The following DOCK7 variants were observed in gnomAD, a reference collection of about 807,000 sequenced individuals.
DOCK7 encodes dedicator of cytokinesis protein 7.
In DOCK7, 138 loss-of-function variants were observed where a neutral mutation model predicts 271.0. That is an observed-to-expected ratio of 0.51 (90% CI 0.44 to 0.59). The LOEUF (loss-of-function observed/expected upper bound fraction) is 0.59, where lower values mean the gene tolerates loss of function less well. Among genes scored for constraint, DOCK7 ranks in the 20% least tolerant of loss-of-function variants. DOCK7 has a pLI of 0.00. For missense variants in DOCK7, 2,066 were observed against 2,592.4 expected (o/e 0.80, Z 4.41); for synonymous variants, 823 against 876.1 (o/e 0.94, Z 1.07).
chr1:62,631,369 C>A lies in DOCK7; in HGVS notation c.1153G>T (p.Asp385Tyr). The A allele has an allele frequency of 6.2e-7, 1 of 1,607,916 alleles. No individual in the cohort carries two copies. The highest frequency in any genetic ancestry group is 2.2e-5 in the East Asian group (1 of 44,798). Residue 385 changes from aspartate (D) to tyrosine (Y), a missense_variant, in exon 11 of 50, where the codon GAT becomes TAT. Asp to Tyr is a radical substitution (Grantham distance 160). Transcript: ENST00000635253. ...EKLEKLKSQA[D>Y]QFCQRLGKYR... is the part of the protein sequence containing the mutation. ...TTCCCAAGTCTTTGGCAAAACTGATCTGCTTGACTCTTCAGTTTCTCCAGT... is the reference window on the plus strand; with the variant it reads ...TTCCCAAGTCTTTGGCAAAACTGATATGCTTGACTCTTCAGTTTCTCCAGT...
intron 24 of DOCK7, chr1:62,543,363 G>A (rs1645597398): frequency 1.8e-5 from 4 of 222,488 alleles, no homozygotes; most frequent in Admixed American, 1.1e-4. Flanking sequence ...TACAGAAACA[G>A]AATTAAGAGT....
chr1:62,602,243 A>G (rs1365007903), intron 14 of DOCK7: 5 of 1,484,132 alleles, frequency 3.4e-6, no homozygotes, highest in Non-Finnish European at 4.7e-6. Context: ...ATCTGTCAAC[A>G]TAAATCTACT....
intron 14 of DOCK7, among the ~76,000 whole-genome samples, chr1:62,614,656 T>C (rs535818437): frequency 1.3e-5 from 2 of 152,136 alleles, no homozygotes; most frequent in South Asian, 4.1e-4. Flanking sequence ...ATTTAATATG[T>C]ACTGCATTAC....
chr1:62,533,118 T>C lies in DOCK7; in HGVS notation c.3611+2375A>G, dbSNP rs1645230228. 2.6e-5 allele frequency among the ~76,000 whole-genome samples: 4 copies of C among 152,244 alleles called. No homozygotes were observed. In the South Asian group the frequency reaches 8.3e-4, roughly 32 times the overall value. ...GTTCGGAGCCCCCCCTCCCTCTATA[T>C]CAGGCAGCCGTTTTCTTATTTCTTT... is the stretch of plus-strand genomic sequence containing the variant. On this transcript the variant is annotated intron_variant, in intron 29 of 49. Coordinates refer to ENST00000635253, the MANE Select transcript of DOCK7 (RefSeq NM_001367561.1).
At chr1:62,544,894 T>A in intron 23 of DOCK7, 53 bp downstream of exon 23, 1 of 1,379,104 alleles carries the variant, frequency 7.3e-7, no homozygotes, top group Non-Finnish European at 1.0e-6. Flanking sequence ...AAAAGTAATG[T>A]TCTAAAGGGA....
intron 1 of DOCK7, among the ~76,000 whole-genome samples, chr1:62,678,847 T>C (rs991496482): frequency 6.6e-6 from 1 of 152,096 alleles, no homozygotes; most frequent in African/African-American, 2.4e-5. Flanking sequence ...AATAAGGATA[T>C]ATCATCTACA....
At chr1:62,662,647 G>A (rs1321588555) in intron 2 of DOCK7, among the ~76,000 whole-genome samples, 1 of 152,098 alleles carries the variant, frequency 6.6e-6, no homozygotes, top group Non-Finnish European at 1.5e-5. Flanking sequence ...TGTAGTCCCA[G>A]CTACTCAGGA....
At chr1:62,603,485 C>T (rs1650464651) in intron 14 of DOCK7, among the ~76,000 whole-genome samples, 1 of 151,390 alleles carries the variant, frequency 6.6e-6, no homozygotes, top group South Asian at 2.1e-4. Context: ...CTGTCTTTTT[C>T]TACAAAGAAA....
chr1:62,552,709 A>C (rs1185189092), intron 22 of DOCK7, 23 bp downstream of exon 22: 1 of 1,563,438 alleles, frequency 6.4e-7, no homozygotes, highest in African/African-American at 1.4e-5. Context: ...AACCAAATTT[A>C]CAGATGCATG....
intron 48 of DOCK7, among the ~76,000 whole-genome samples, chr1:62,464,606 C>G (rs1039226996): frequency 1.3e-5 from 2 of 151,726 alleles, no homozygotes; most frequent in African/African-American, 4.8e-5. Flanking sequence ...CGCTTGAACC[C>G]GGGAGGTAGA....
intron 31 of DOCK7, among the ~76,000 whole-genome samples, chr1:62,520,309 C>T (rs1644806866): frequency 6.6e-6 from 1 of 152,158 alleles, no homozygotes; most frequent in African/African-American, 2.4e-5. Context: ...TCAGAGTGAA[C>T]AGGCAACCTA....
intron 14 of DOCK7, chr1:62,601,679 C>T (rs757962265): frequency 1.1e-6 from 1 of 939,434 alleles, no homozygotes; most frequent in African/African-American, 1.6e-5. Flanking sequence ...ACATTTGCCA[C>T]AACTTCATAA....
At chr1:62,525,932 A>T (rs574324954) in intron 31 of DOCK7, among the ~76,000 whole-genome samples, 2 of 152,298 alleles carry the variant, frequency 1.3e-5, no homozygotes, top group Admixed American at 1.3e-4. Context: ...GAAATCTTAA[A>T]ATAGCAACCT....
At chr1:62,677,147 A>T (rs968670522) in intron 1 of DOCK7, among the ~76,000 whole-genome samples, 6 of 152,230 alleles carry the variant, frequency 3.9e-5, no homozygotes, top group Non-Finnish European at 7.3e-5. Flanking sequence ...CAGTACTCTT[A>T]TCCTCATTCT....
At chr1:62,527,853 TGTACC>T (rs1645058279) in intron 31 of DOCK7, among the ~76,000 whole-genome samples, 1 of 135,824 alleles carries the variant, frequency 7.4e-6, no homozygotes, top group Non-Finnish European at 1.5e-5. Flanking sequence ...GTTGTGCACA[TGTACC>T]CTAAAACTTA....
rs879796988 is a variant in DOCK7, at chr1:62,622,402, AT to A, written c.1426-2410del. On this transcript the variant is annotated intron_variant, in intron 12 of 49. Transcript: ENST00000635253. ...TCTTCAAAACTATTGTGTGGGTTTG[AT>A]TTTTTTTTTAAATATCTATGTATTT... Among the ~76,000 whole-genome samples the A allele has an allele frequency of 1.4e-3, 208 of 150,670 alleles. 1 individual carries two copies. Among genetic ancestry groups the A allele is most frequent in the Admixed American group, 7.0e-3 (105 of 15,098 alleles).
At chr1:62,589,627 C>CA (rs879624565) in intron 14 of DOCK7, among the ~76,000 whole-genome samples, 207 of 140,458 alleles carry the variant, frequency 1.5e-3, no homozygotes, top group Middle Eastern at 3.7e-3. Context: ...ATGCTTCCAA[C>CA]AAAAAAAAAA....
intron 34 of DOCK7, among the ~76,000 whole-genome samples, chr1:62,508,922 C>A (rs1173169050): frequency 6.6e-6 from 1 of 151,830 alleles, no homozygotes. Context: ...TATATTACAC[C>A]AAAGTAGACA....
chr1:62,553,973 A>AGTC (rs1646049457), intron 21 of DOCK7, among the ~76,000 whole-genome samples: 2 of 152,074 alleles, frequency 1.3e-5, no homozygotes, highest in South Asian at 2.1e-4. Context: ...GCCCCTTGAC[A>AGTC]GTCACTAGAG....
Sources: allele counts gnomAD v4.1 joint callset (sites outside exome capture counted in the v4.1 genomes callset), GRCh38; gene constraint gnomAD v4.1.1; transcripts MANE v1.5; gene names NCBI Gene and HGNC (gene_info 2026-07-23, HGNC 2026-07-21).